KIF9: variants seen among roughly 807,000 people sequenced by gnomAD.
KIF9 encodes kinesin family member 9.
In KIF9, 68 loss-of-function variants were observed where a neutral mutation model predicts 94.8. The observed-to-expected ratio is 0.72, with a 90% CI of 0.59 to 0.88. KIF9 has a LOEUF of 0.88. Among genes scored for constraint, KIF9 ranks in the 40% least tolerant of loss-of-function variants. The pLI is 0.00. For synonymous variants in KIF9, 343 were observed against 362.1 expected (o/e 0.95, Z 0.60); for missense variants, 882 against 982.5 (o/e 0.90, Z 1.37).
intron 9 of KIF9, chr3:47,263,873 C>T (rs1174608963): frequency 4.4e-6 from 2 of 457,406 alleles, no homozygotes; most frequent in Admixed American, 2.3e-5. Context: ...TCTGCTCATA[C>T]TGGCCTTATA....
At chr3:47,246,997 A>G (rs998075890) in intron 12 of KIF9, among the ~76,000 whole-genome samples, 1 of 152,170 alleles carries the variant, frequency 6.6e-6, no homozygotes, top group African/African-American at 2.4e-5. Context: ...CAGCATGACC[A>G]CCATCCTTCA....
At chr3:47,242,865 G>T in intron 16 of KIF9, 186 bp downstream of exon 16, 1 of 450,054 alleles carries the variant, frequency 2.2e-6, no homozygotes, top group Non-Finnish European at 3.9e-6. Flanking sequence ...GTGCATCTTG[G>T]ATGACTCCTG....
chr3:47,239,881 C>T (rs558086881), intron 17 of KIF9: 8 of 1,367,886 alleles, frequency 5.8e-6, no homozygotes, highest in East Asian at 4.5e-5. Context: ...TGTGATTTAG[C>T]GAGGGAAAGC....
intron 16 of KIF9, among the ~76,000 whole-genome samples, chr3:47,241,865 CAT>C (rs200180172): frequency 0.015 from 1,679 of 109,140 alleles, 16 homozygotes; most frequent in East Asian, 0.054. Context: ...TATATATACA[CAT>C]ATATATATAT....
Position 47,241,806 on chromosome 3 carries a change from T to TAC in KIF9, c.1710-792_1710-791insGT, listed in dbSNP as rs398105842. Among the ~76,000 whole-genome samples, 6 of 144,388 alleles carry TAC rather than the reference T, an allele frequency of 4.2e-5. No homozygotes were observed. The South Asian group carries it at 8.5e-4, about 20-fold the overall frequency. The allele number at this position is 144,388 out of a possible 152,430, so 94.7% of individuals were successfully genotyped here. A position where few individuals can be genotyped will look rare whatever the true frequency, so the allele number is the denominator to read the frequency against. On this transcript the variant is annotated intron_variant, in intron 16 of 20. Coordinates refer to ENST00000684063, the MANE Select transcript of KIF9 (RefSeq NM_182902.4). ...GTATATACGTGTATATATGTATATATGTATATATGTATATATATACACACA... is the reference window on the plus strand; with the variant it reads ...GTATATACGTGTATATATGTATATATACGTATATATGTATATATATACACACA...
intron 20 of KIF9, among the ~76,000 whole-genome samples, chr3:47,233,860 C>T (rs1232237107): frequency 2.6e-5 from 4 of 151,944 alleles, no homozygotes; most frequent in South Asian, 2.1e-4. Context: ...GAGGCCAAGG[C>T]GGGTCGATCA....
intron 9 of KIF9, 92 bp from the exon 10 acceptor site, chr3:47,257,652 C>T: frequency 9.0e-7 from 1 of 1,115,654 alleles, no homozygotes; most frequent in Non-Finnish European, 1.3e-6. Context: ...CTGCCCTTTC[C>T]TGGCTCCTTA....
chr3:47,258,611 G>T (rs1007139079), intron 9 of KIF9, among the ~76,000 whole-genome samples: 1 of 152,080 alleles, frequency 6.6e-6, no homozygotes, highest in Non-Finnish European at 1.5e-5. Flanking sequence ...GGTAGTGAGT[G>T]AGTTCTTATG....
At chr3:47,230,732 TG>T (rs947891367) in intron 20 of KIF9, among the ~76,000 whole-genome samples, 1 of 148,226 alleles carries the variant, frequency 6.7e-6, no homozygotes, top group African/African-American at 2.5e-5. Context: ...CTCCATCTTG[TG>T]GGGGAAAAAA....
chr3:47,260,365 C>T (rs1185479134), intron 9 of KIF9, among the ~76,000 whole-genome samples: 1 of 150,640 alleles, frequency 6.6e-6, no homozygotes, highest in African/African-American at 2.5e-5. Context: ...CGGGATCCTC[C>T]ATATGCTGAA....
At chr3:47,266,105 T>G in intron 7 of KIF9, 1 of 466,030 alleles carries the variant, frequency 2.1e-6, no homozygotes. Flanking sequence ...TGAATACTCA[T>G]GCGAATGTGA....
chr3:47,257,641 C>T (rs1238615743), intron 9 of KIF9, 81 bp from the exon 10 acceptor site: 2 of 1,180,210 alleles, frequency 1.7e-6, no homozygotes, highest in African/African-American at 1.5e-5. Context: ...AGAGACCTTG[C>T]CTGCCCTTTC....
intron 9 of KIF9, among the ~76,000 whole-genome samples, chr3:47,259,816 C>G (rs975511530): frequency 8.4e-6 from 1 of 118,892 alleles, no homozygotes; most frequent in Non-Finnish European, 1.7e-5. Flanking sequence ...TACCCAGGGA[C>G]ACAAAAACTG....
chr3:47,245,287 T>C (rs1699846979), intron 14 of KIF9, 134 bp downstream of exon 14: 1 of 754,868 alleles, frequency 1.3e-6, no homozygotes, highest in Non-Finnish European at 2.4e-6. Flanking sequence ...AGGTCACCTG[T>C]GTTCATTCTG....
rs138720594 is a variant in KIF9 at position 47,265,765 on chromosome 3, T to G, written c.881A>C (p.Gln294Pro). 182 of 1,614,178 alleles carry G rather than the reference T, an allele frequency of 1.1e-4. 1 individual carries two copies. The highest frequency in any genetic ancestry group is 1.5e-4 in the Non-Finnish European group (174 of 1,180,038). The part of the protein sequence containing the change: ...DQKRDHIPFR[Q>P]CKLTHALKDS... ...CTTCAGAGCGTGGGTGAGCTTGCAC[T>G]GCCGAAAGGGGATGTGGTCCCGCTT... The change falls in exon 8 of 21, where the codon CAG (glutamine) becomes CCG (proline). Residue 294 changes from glutamine to proline, a missense_variant. Gln to Pro is a moderately conservative substitution (Grantham distance 76). Transcript: ENST00000684063.
chr3:47,259,325 C>T (rs1398020829), intron 9 of KIF9, among the ~76,000 whole-genome samples: 1 of 152,216 alleles, frequency 6.6e-6, no homozygotes. Context: ...CCCCTGTATA[C>T]ACTTCCCTCA....
intron 20 of KIF9, chr3:47,231,703 G>A (rs929496795): frequency 6.6e-6 from 1 of 152,176 alleles, no homozygotes; most frequent in Non-Finnish European, 1.5e-5. Context: ...TTATAGGCAC[G>A]AGCTATTGTT....
At chr3:47,271,566 A>G in intron 4 of KIF9, 105 bp from the exon 5 acceptor site, 2 of 790,770 alleles carry the variant, frequency 2.5e-6, no homozygotes, top group Non-Finnish European at 4.3e-6. Flanking sequence ...TGTATAGAAT[A>G]ATTATTGTCC....
chr3:47,254,448 T>A (rs1700448992), intron 10 of KIF9, among the ~76,000 whole-genome samples: 2 of 151,432 alleles, frequency 1.3e-5, no homozygotes, highest in African/African-American at 2.4e-5. Context: ...AGACTCCATC[T>A]CAAAAAACAA....
Sources: gnomAD v4.1 joint callset for allele counts (sites outside exome capture counted in the v4.1 genomes callset) on GRCh38, gnomAD v4.1.1 for gene constraint, MANE v1.5 for transcripts, NCBI Gene and HGNC (gene_info 2026-07-23, HGNC 2026-07-21) for gene names.